Variants in GABRA3 observed in about 807,000 individuals in gnomAD.
GABRA3 encodes the protein gamma-aminobutyric acid type A receptor subunit alpha3.
GABRA3 carries 10 observed loss-of-function variants against 30.1 expected under a neutral mutation model. The observed-to-expected ratio is 0.33, with a 90% confidence interval of 0.20 to 0.56. GABRA3 has a LOEUF of 0.56. Among genes scored for constraint, GABRA3 ranks in the 20% least tolerant of loss-of-function variants. The pLI, the probability that GABRA3 is intolerant of heterozygous loss-of-function variation, is 0.89. For synonymous variants in GABRA3, 151 were observed against 146.8 expected, an observed-to-expected ratio of 1.03 and a Z score of -0.21; for missense variants, 233 against 392.0, an observed-to-expected ratio of 0.59 and a Z score of 3.42.
intron 1 of GABRA3, among the ~76,000 whole-genome samples, chrX:152,397,514 C>T (rs773909867): frequency 9.0e-6 from 1 of 111,287 alleles, no homozygotes; most frequent in South Asian, 3.8e-4. Flanking sequence ...CTCTAGATCT[C>T]GGGGAGTAAA....
At chrX:152,407,152 C>A (rs1448609435) in intron 1 of GABRA3, among the ~76,000 whole-genome samples, 1 of 110,916 alleles carries the variant, frequency 9.0e-6, no homozygotes, top group Non-Finnish European at 1.9e-5. Context: ...AAATAAATAA[C>A]CTAAGGCTTC....
chrX:152,379,634 A>G (rs1929088130), intron 1 of GABRA3, among the ~76,000 whole-genome samples: 2 of 111,642 alleles, frequency 1.8e-5, no homozygotes, highest in South Asian at 3.7e-4. Context: ...CATAATAGAT[A>G]TTTACTATCA....
chrX:152,325,687 C>T (rs1356472712), intron 3 of GABRA3, among the ~76,000 whole-genome samples: 1 of 111,912 alleles, frequency 8.9e-6, no homozygotes, highest in African/African-American at 3.2e-5. Flanking sequence ...CACCAAAATC[C>T]CATCTGTACG....
chrX:152,261,350 C>A (rs1294528995), intron 4 of GABRA3, among the ~76,000 whole-genome samples: 1 of 111,641 alleles, frequency 9.0e-6, no homozygotes, highest in Non-Finnish European at 1.9e-5. Context: ...TTAACTAACT[C>A]CAGCATTAAC....
intron 4 of GABRA3, among the ~76,000 whole-genome samples, chrX:152,271,797 C>G (rs1258079232): frequency 1.8e-5 from 2 of 111,461 alleles, no homozygotes; most frequent in Middle Eastern, 4.2e-3. Context: ...ACTTGGTGTC[C>G]TGCATCCCAG....
intron 1 of GABRA3, among the ~76,000 whole-genome samples, chrX:152,381,245 A>G (rs1929137358): frequency 8.9e-6 from 1 of 112,233 alleles, no homozygotes; most frequent in African/African-American, 3.2e-5. Context: ...ATTCCTTTAT[A>G]GAAACACAAA....
chrX:152,368,143 C>T (rs952193476), intron 1 of GABRA3, among the ~76,000 whole-genome samples: 1 of 111,701 alleles, frequency 9.0e-6, no homozygotes, highest in South Asian at 3.7e-4. Flanking sequence ...CCCATTTCTT[C>T]CCATTTCAAA....
At chrX:152,250,457 T>C (rs1938533272) in intron 5 of GABRA3, 1 of 111,649 alleles carries the variant, frequency 9.0e-6, no homozygotes, top group South Asian at 3.7e-4. Context: ...ATAGGACTTT[T>C]TTACTATATT....
At chrX:152,257,326 T>C (rs1569371929) in intron 4 of GABRA3, among the ~76,000 whole-genome samples, 1 of 111,373 alleles carries the variant, frequency 9.0e-6, no homozygotes, top group East Asian at 2.8e-4. Context: ...AAAATCTGAG[T>C]ATAACATCTG....
intron 1 of GABRA3, among the ~76,000 whole-genome samples, chrX:152,423,510 T>C (rs1333250562): frequency 8.9e-6 from 1 of 111,813 alleles, no homozygotes; most frequent in African/African-American, 3.2e-5. Flanking sequence ...TTTTAGAAAA[T>C]AAAGTTAGGC....
At chrX:152,367,264 T>C (rs1962187867) in intron 1 of GABRA3, among the ~76,000 whole-genome samples, 1 of 111,784 alleles carries the variant, frequency 8.9e-6, no homozygotes, top group African/African-American at 3.3e-5. Context: ...CAGTCAACCA[T>C]GGCACAAATG....
intron 5 of GABRA3, among the ~76,000 whole-genome samples, chrX:152,250,056 C>T (rs755449238): frequency 9.0e-6 from 1 of 111,047 alleles, no homozygotes; most frequent in South Asian, 3.8e-4. Context: ...GCCTGGAAAA[C>T]CCTCCTCTAC....
chrX:152,328,327 G>A (rs1170202180), intron 3 of GABRA3, among the ~76,000 whole-genome samples: 3 of 111,705 alleles, frequency 2.7e-5, no homozygotes, highest in Non-Finnish European at 5.6e-5. Flanking sequence ...GAAGAAGGGG[G>A]AATCCTCTCT....
chrX:152,420,308 A>C (rs1191879111), intron 1 of GABRA3, among the ~76,000 whole-genome samples: 2 of 111,388 alleles, frequency 1.8e-5, no homozygotes, highest in African/African-American at 6.5e-5. Flanking sequence ...ATTTGTAAAA[A>C]CTTAAAATCA....
intron 3 of GABRA3, among the ~76,000 whole-genome samples, chrX:152,315,807 G>A (rs1180700521): frequency 9.1e-6 from 1 of 109,770 alleles, no homozygotes; most frequent in African/African-American, 3.3e-5. Flanking sequence ...ATTGACGTGG[G>A]AACCATACCT....
chrX:152,232,166 T>A lies in GABRA3; in HGVS notation c.552-7321A>T, dbSNP rs371287096. The stretch of plus-strand genomic sequence containing the variant: ...AATATGTAAGTTATACTTCAAAAAG[T>A]TTTTATTTTAAATGAATCAATATCA... On this transcript the variant is annotated intron_variant, in intron 5 of 9. Transcript: ENST00000370314. Among the ~76,000 whole-genome samples, 5 of 111,450 alleles carry A rather than the reference T, an allele frequency of 4.5e-5. No homozygotes were observed. The East Asian group carries it at 1.1e-3, about 25-fold the overall frequency.
At chrX:152,212,209 A>G (rs1937635934) in intron 6 of GABRA3, among the ~76,000 whole-genome samples, 1 of 99,965 alleles carries the variant, frequency 1.0e-5, no homozygotes, top group Non-Finnish European at 2.0e-5. Flanking sequence ...AATTAAGCCC[A>G]GGAGTTCAAG....
intron 9 of GABRA3, among the ~76,000 whole-genome samples, chrX:152,183,931 CT>C (rs1937219621): frequency 9.0e-6 from 1 of 110,940 alleles, no homozygotes; most frequent in African/African-American, 3.3e-5. Context: ...TATAATTTTT[CT>C]TTTTAAGTTT....
At chrX:152,257,368 C>A (rs998256838) in intron 4 of GABRA3, among the ~76,000 whole-genome samples, 1 of 112,086 alleles carries the variant, frequency 8.9e-6, no homozygotes, top group African/African-American at 3.2e-5. Flanking sequence ...CTACACAAGG[C>A]ACAGGGGACA....
Sources: allele counts gnomAD v4.1 joint callset (sites outside exome capture counted in the v4.1 genomes callset), GRCh38; gene constraint gnomAD v4.1.1; transcripts MANE v1.5; gene names NCBI Gene and HGNC (gene_info 2026-07-23, HGNC 2026-07-21).